Variants in STT3A observed in about 807,000 individuals in gnomAD.
STT3A encodes the protein dolichyl-diphosphooligosaccharide--protein glycosyltransferase subunit STT3A.
STT3A carries 34 observed loss-of-function variants against 89.2 expected under a neutral mutation model. The observed-to-expected ratio is 0.38, with a 90% CI of 0.29 to 0.51. STT3A has a LOEUF of 0.51. Ranked by LOEUF, STT3A falls within the 20% of genes least tolerant of loss-of-function variation. The pLI, the probability that STT3A is intolerant of heterozygous loss-of-function variation, is 0.89. For synonymous variants in STT3A, 282 were observed against 310.3 expected (o/e 0.91, Z 0.96); for missense variants, 555 against 889.5 (o/e 0.62, Z 4.78).
rs547694537 is a variant in STT3A at position 125,605,414 on chromosome 11, T to C, written c.509-215T>C. Among the ~76,000 whole-genome samples, 657 of 152,350 alleles carry C rather than the reference T, an allele frequency of 4.3e-3. 10 individuals are homozygous for C. The highest frequency in any genetic ancestry group is 0.013 in the African/African-American group (543 of 41,568). On this transcript the variant is annotated intron_variant, in intron 6 of 17. Transcript: ENST00000392708. ...TATGCTAGGTACTCTTCTAAGTGCT[T>C]TACAGGCATTAATTATATTTGTTTT...
upstream of STT3A, chr11:125,592,561 C>A: frequency 2.2e-6 from 1 of 447,180 alleles, no homozygotes; most frequent in Non-Finnish European, 4.5e-6. Flanking sequence ...CCCGTGGGTC[C>A]GCAAACCGAC....
At chr11:125,619,590 A>G (rs1940286162) in intron 16 of STT3A, among the ~76,000 whole-genome samples, 1 of 152,186 alleles carries the variant, frequency 6.6e-6, no homozygotes, top group Non-Finnish European at 1.5e-5. Context: ...TTATTTGATT[A>G]GGTTAAGTCT....
At chr11:125,606,111 C>T in intron 7 of STT3A, 190 bp from the exon 8 acceptor site, 3 of 563,882 alleles carry the variant, frequency 5.3e-6, no homozygotes, top group South Asian at 5.1e-5. Context: ...GTGACCTGTA[C>T]ATGTAAGGAC....
intron 16 of STT3A, among the ~76,000 whole-genome samples, chr11:125,619,251 T>A (rs1344945709): frequency 6.6e-6 from 1 of 151,368 alleles, no homozygotes; most frequent in African/African-American, 2.4e-5. Flanking sequence ...GTAGAGACAT[T>A]GTTTCACTAT....
At position 125,621,276 on chromosome 11, in the gene STT3A, A is replaced by G. The variant is rs1940341751; in HGVS notation, c.*466A>G. 2 of 153,190 alleles carry G rather than the reference A, an allele frequency of 1.3e-5. No homozygotes were observed. Among genetic ancestry groups the G allele is most frequent in the Non-Finnish European group, 1.5e-5 (1 of 68,768 alleles). 9.5% of individuals were successfully genotyped at this position (153,190 alleles called of 1,614,324 possible). ...CATAACCCTTTGCATTGCAGCACCT[A>G]GTACAATTCCTTGGAAACAGCGTGG... On this transcript the variant is annotated 3_prime_UTR_variant, in exon 18 of 18. Coordinates refer to ENST00000392708, the MANE Select transcript of STT3A (RefSeq NM_152713.5).
chr11:125,620,869 G>GTTTT lies in STT3A; in HGVS notation c.*59_*60insTTTT. The GTTTT allele has an allele frequency of 4.3e-5, 36 of 841,802 alleles. No homozygotes were observed. The highest frequency in any genetic ancestry group is 3.9e-4 in the Middle Eastern group (1 of 2,572). 52.1% of individuals were successfully genotyped at this position (841,802 alleles called of 1,614,324 possible). A position where few individuals can be genotyped will look rare whatever the true frequency, so the allele number is the denominator to read the frequency against. ...AGCACATCACATTTAGGACGTTGAA[G>GTTTT]ATTTTTTTTTTTTTTTTTTTTTAAT... On this transcript the variant is annotated 3_prime_UTR_variant, in exon 18 of 18. Coordinates refer to ENST00000392708, the MANE Select transcript of STT3A (RefSeq NM_152713.5).
chr11:125,610,315 T>C (rs1394934821), intron 10 of STT3A, among the ~76,000 whole-genome samples: 2 of 152,194 alleles, frequency 1.3e-5, no homozygotes, highest in Admixed American at 1.3e-4. Context: ...TCTGCTCACC[T>C]TGGCCTCCCA....
chr11:125,596,936 C>A, intron 2 of STT3A, 123 bp from the exon 3 acceptor site: 1 of 1,058,104 alleles, frequency 9.5e-7, no homozygotes, highest in South Asian at 1.4e-5. Flanking sequence ...AGACTTTATT[C>A]AGGGATTATT....
rs1244319463 is a variant in STT3A at position 125,621,657 on chromosome 11, T to C, written c.*847T>C. The stretch of plus-strand genomic sequence containing the variant: ...TCTTGTGGTTGTTCAAAGGTGAGCT[T>C]CTTTTTCCCTTAGTCTTAGCCTATG... On this transcript the variant is annotated 3_prime_UTR_variant, in exon 18 of 18. Transcript: ENST00000392708. 1 of 152,224 alleles carries C rather than the reference T, an allele frequency of 6.6e-6. No homozygotes were observed. Among genetic ancestry groups the C allele is most frequent in the Non-Finnish European group, 1.5e-5 (1 of 68,044 alleles). 9.4% of individuals were successfully genotyped at this position (152,224 alleles called of 1,614,324 possible). A position where few individuals can be genotyped will look rare whatever the true frequency, so the allele number is the denominator to read the frequency against.
At position 125,606,401 on chromosome 11, in the gene STT3A, C is replaced by G; in HGVS notation, c.716C>G (p.Ala239Gly). Residue 239 changes from alanine to glycine, a missense_variant, in exon 8 of 18, where the codon GCC becomes GGC. Coordinates refer to ENST00000392708, the MANE Select transcript of STT3A (RefSeq NM_152713.5). ...TGRFSHRIYVAYCTVYCLGTI... is the reference protein window; with the variant it reads ...TGRFSHRIYVGYCTVYCLGTI... ...CGTTTCTCTCACCGGATCTATGTGG[C>G]CTACTGTACTGTTTACTGCCTGGGC... is the stretch of plus-strand genomic sequence containing the variant. 1 of 1,614,204 alleles carries G rather than the reference C, an allele frequency of 6.2e-7. No individual in the cohort carries two copies. The highest frequency in any genetic ancestry group is 8.5e-7 in the Non-Finnish European group (1 of 1,180,040).
intron 11 of STT3A, among the ~76,000 whole-genome samples, chr11:125,611,863 A>ATTTT (rs59685125): frequency 0.035 from 2,014 of 56,930 alleles, 369 homozygotes; most frequent in Non-Finnish European, 0.05. Flanking sequence ...AGGGATTTGA[A>ATTTT]TTTTTTTTTT....
intron 17 of STT3A, 99 bp downstream of exon 17, chr11:125,620,225 T>G: frequency 1.1e-6 from 1 of 904,456 alleles, no homozygotes; most frequent in African/African-American, 1.7e-5. Context: ...TAGGGAAATT[T>G]CTCATGACAC....
chr11:125,619,279 C>T lies in STT3A; in HGVS notation c.1963+718C>T, dbSNP rs528748524. On this transcript the variant is annotated intron_variant, in intron 16 of 17. Coordinates refer to ENST00000392708, the MANE Select transcript of STT3A (RefSeq NM_152713.5). The stretch of plus-strand genomic sequence containing the variant: ...TTCACTATGTTGGCCAGGCTGGTCT[C>T]GAACTCCTGACCTCAAGTAATCCAC... Among the ~76,000 whole-genome samples, 35 of 151,028 alleles carry T rather than the reference C, an allele frequency of 2.3e-4. No homozygotes were observed. In the East Asian group the frequency reaches 4.3e-3, roughly 19 times the overall value.
intron 3 of STT3A, among the ~76,000 whole-genome samples, chr11:125,599,547 A>C (rs1366224909): frequency 1.3e-5 from 2 of 151,932 alleles, no homozygotes; most frequent in African/African-American, 2.4e-5. Flanking sequence ...AGTAGCTGGG[A>C]TTACAGGCAC....
chr11:125,605,717 CCTTG>C lies in STT3A; in HGVS notation c.601_604del (p.Ala201IlefsTer14). 1 of 1,613,278 alleles carries C rather than the reference CCTTG, an allele frequency of 6.2e-7. No individual in the cohort carries two copies. Among genetic ancestry groups the C allele is most frequent in the Non-Finnish European group, 8.5e-7 (1 of 1,179,618 alleles). On this transcript the variant is annotated frameshift_variant, in exon 7 of 18. Coordinates refer to ENST00000392708, the MANE Select transcript of STT3A (RefSeq NM_152713.5). LOFTEE classifies it high-confidence loss of function. ...CCATCTGTTGGGCAGCTAAGTGTGC[CCTTG>C]CTTATTTCTACATGGTAACTTTTTC...
intron 17 of STT3A, among the ~76,000 whole-genome samples, chr11:125,620,497 T>C (rs1454049415): frequency 4.6e-5 from 7 of 152,208 alleles, no homozygotes. Context: ...TAGAGTCATA[T>C]AGAACCACAT....
chr11:125,595,779 G>T, intron 1 of STT3A, 102 bp from the exon 2 acceptor site: 1 of 636,692 alleles, frequency 1.6e-6, no homozygotes, highest in African/African-American at 1.8e-5. Context: ...TGGTGTTTTT[G>T]CTAGCTCCTA....
At chr11:125,610,015 A>G (rs1484110193) in intron 10 of STT3A, 1 of 152,700 alleles carries the variant, frequency 6.5e-6, no homozygotes, top group African/African-American at 2.4e-5. Flanking sequence ...TTTAGAATTT[A>G]CCGGTGTTAG....
intron 17 of STT3A, 96 bp from the exon 18 acceptor site, chr11:125,620,676 C>A: frequency 4.2e-6 from 5 of 1,192,798 alleles, no homozygotes; most frequent in South Asian, 1.3e-5. Flanking sequence ...CAGAACCCAA[C>A]ATAATCCTGC....
Sources: allele counts gnomAD v4.1 joint callset (sites outside exome capture counted in the v4.1 genomes callset), GRCh38; gene constraint gnomAD v4.1.1; transcripts MANE v1.5; gene names NCBI Gene and HGNC (gene_info 2026-07-23, HGNC 2026-07-21).